Variants in OTOGL observed in about 807,000 individuals in gnomAD.
OTOGL encodes the protein otogelin-like protein.
OTOGL carries 285 observed loss-of-function variants against 318.5 expected under a neutral mutation model. The observed-to-expected ratio is 0.89, with a 90% CI of 0.81 to 0.99. OTOGL has a LOEUF of 0.99. Among genes scored for constraint, OTOGL ranks in the 50% least tolerant of loss-of-function variants. The probability of loss-of-function intolerance (pLI) is 0.00; values close to 1 mark genes in which losing one functional copy is unlikely to be tolerated. For missense variants in OTOGL, 2,899 were observed against 2,845.6 expected, an observed-to-expected ratio of 1.02 and a Z score of -0.43; for synonymous variants, 987 against 936.5, an observed-to-expected ratio of 1.05 and a Z score of -0.99.
chr12:80,257,084 C>T (rs1029936907), intron 17 of OTOGL, among the ~76,000 whole-genome samples: 4 of 152,036 alleles, frequency 2.6e-5, no homozygotes, highest in African/African-American at 9.7e-5. Flanking sequence ...CCTGTTCATG[C>T]CTGCATTCCA....
intron 1 of OTOGL, among the ~76,000 whole-genome samples, chr12:80,172,517 C>T (rs183101858): frequency 8.5e-5 from 13 of 152,124 alleles, no homozygotes; most frequent in Non-Finnish European, 1.5e-5. Flanking sequence ...TGTGGTAAGT[C>T]CTGCAGGTCA....
intron 1 of OTOGL, among the ~76,000 whole-genome samples, chr12:80,144,998 T>C (rs1490299086): frequency 1.3e-5 from 2 of 151,432 alleles, no homozygotes; most frequent in Admixed American, 1.3e-4. Flanking sequence ...TTCTCCCATG[T>C]TGTAGGTTGC....
At chr12:80,164,678 C>T (rs1209468910) in intron 1 of OTOGL, among the ~76,000 whole-genome samples, 1 of 152,060 alleles carries the variant, frequency 6.6e-6, no homozygotes, top group African/African-American at 2.4e-5. Flanking sequence ...TGTATTAACG[C>T]ATCCCTGTTC....
intron 35 of OTOGL, 60 bp from the exon 36 acceptor site, chr12:80,328,605 C>CTTTTTTTTTTTTTTTTTTAAACTTT: frequency 9.7e-7 from 1 of 1,026,942 alleles, no homozygotes; most frequent in South Asian, 1.6e-5. Flanking sequence ...AAATGTAGTC[C>CTTTTTTTTTTTTTTTTTTAAACTTT]TTTTTTTTTT....
intron 29 of OTOGL, among the ~76,000 whole-genome samples, chr12:80,309,694 T>C (rs56212453): frequency 0.015 from 2,334 of 152,264 alleles, 61 homozygotes; most frequent in African/African-American, 0.054. Flanking sequence ...CCTGGGTGGA[T>C]ACTGGTGTTC....
chr12:80,251,971 A>C, intron 12 of OTOGL, 105 bp from the exon 13 acceptor site: 1 of 1,329,088 alleles, frequency 7.5e-7, no homozygotes, highest in Non-Finnish European at 9.9e-7. Context: ...TGCAATTAAA[A>C]GTTATTTTTT....
intron 1 of OTOGL, among the ~76,000 whole-genome samples, chr12:80,174,969 GT>G (rs1874437457): frequency 6.6e-6 from 1 of 151,856 alleles, no homozygotes; most frequent in Non-Finnish European, 1.5e-5. Flanking sequence ...ACCTGGGAAA[GT>G]TTTTAAAATA....
At chr12:80,178,061 C>CTTTTTTTTTTTTTTTTTTTTTT (rs71094968) in intron 1 of OTOGL, among the ~76,000 whole-genome samples, 8 of 74,922 alleles carry the variant, frequency 1.1e-4, no homozygotes, top group Admixed American at 1.7e-4. Context: ...TTCTTTCTTT[C>CTTTTTTTTTTTTTTTTTTTTTT]TTTTTTTTTT....
intron 1 of OTOGL, among the ~76,000 whole-genome samples, chr12:80,169,935 A>G (rs1055926429): frequency 7.2e-5 from 11 of 152,204 alleles, no homozygotes; most frequent in East Asian, 1.9e-4. Flanking sequence ...GTTATTTGCA[A>G]TTTGGAAATT....
At position 80,355,871 on chromosome 12, in the gene OTOGL, C is replaced by G. The variant is rs375155261; in HGVS notation, c.5729C>G (p.Thr1910Arg). Residue 1910 changes from threonine to arginine, a missense_variant, in exon 47 of 59, where the codon ACG becomes AGG. Around this residue, in one of 3 missense-constraint regions of OTOGL, gnomAD observed 2,607 missense variants for 2,524.9 expected, o/e 1.03. Transcript: ENST00000547103. ...PIEPDCDEEP[T>R]PVCEREAEVV... ...GAACCTGACTGTGATGAAGAGCCCA[C>G]GCCAGTTTGTGAACGAGAAGCTGAA... is the stretch of plus-strand genomic sequence containing the variant. The G allele has an allele frequency of 2.9e-5, 47 of 1,613,660 alleles. 1 individual carries two copies. The highest frequency in any genetic ancestry group is 3.9e-5 in the Non-Finnish European group (46 of 1,179,808).
At chr12:80,242,884 A>T (rs1204559509) in intron 11 of OTOGL, among the ~76,000 whole-genome samples, 2 of 152,126 alleles carry the variant, frequency 1.3e-5, no homozygotes, top group Non-Finnish European at 2.9e-5. Flanking sequence ...GGAAGAGATA[A>T]CATTTGACTT....
intron 50 of OTOGL, 87 bp downstream of exon 50, chr12:80,358,436 C>T: frequency 8.9e-7 from 1 of 1,123,416 alleles, no homozygotes; most frequent in Non-Finnish European, 1.3e-6. Context: ...TTACATCAGA[C>T]CCTTTTTCAA....
At chr12:80,152,900 G>T (rs986735637) in intron 1 of OTOGL, among the ~76,000 whole-genome samples, 1 of 152,132 alleles carries the variant, frequency 6.6e-6, no homozygotes, top group African/African-American at 2.4e-5. Context: ...CACCATGTTG[G>T]CCAGGCAGGT....
chr12:80,234,440 G>C (rs1879661596), intron 9 of OTOGL, among the ~76,000 whole-genome samples: 2 of 152,128 alleles, frequency 1.3e-5, no homozygotes, highest in Admixed American at 1.3e-4. Context: ...TGTTTTAAAG[G>C]ATGGTGAAAG....
intron 1 of OTOGL, among the ~76,000 whole-genome samples, chr12:80,201,047 G>A (rs1876417315): frequency 6.6e-6 from 1 of 152,146 alleles, no homozygotes; most frequent in Admixed American, 6.6e-5. Flanking sequence ...TGCCTACAGA[G>A]ATGCCACAAC....
At chr12:80,212,093 A>T in intron 4 of OTOGL, 96 bp downstream of exon 4, 1 of 1,232,232 alleles carries the variant, frequency 8.1e-7, no homozygotes, top group East Asian at 2.6e-5. Flanking sequence ...TGTGGAGGGG[A>T]ATAAAATGCT....
intron 1 of OTOGL, among the ~76,000 whole-genome samples, chr12:80,148,486 A>G (rs1450434199): frequency 3.4e-5 from 5 of 147,712 alleles, no homozygotes; most frequent in Non-Finnish European, 7.5e-5. Context: ...TGCCCTTAAC[A>G]TTTTTTCCTT....
chr12:80,205,202 T>C (rs1380781361), intron 1 of OTOGL, among the ~76,000 whole-genome samples: 1 of 152,218 alleles, frequency 6.6e-6, no homozygotes, highest in Non-Finnish European at 1.5e-5. Flanking sequence ...TTTCACTATA[T>C]GGTACAAGTG....
rs144605517 is a variant in OTOGL, at chr12:80,112,709, CT to C, written c.-20+13118del. Among the ~76,000 whole-genome samples the C allele has an allele frequency of 1.8e-3, 249 of 140,204 alleles. 1 individual carries two copies. Among genetic ancestry groups the C allele is most frequent in the African/African-American group, 4.8e-3 (177 of 37,054 alleles). 92.0% of individuals were successfully genotyped at this position (140,204 alleles called of 152,430 possible). On this transcript the variant is annotated intron_variant, in intron 1 of 58. Transcript: ENST00000547103. Reference sequence around the variant, plus strand: ...GGGATATTTGCCTGAAATTTTCTTTCTTTTTTTTTTTTTTGTTGTGTCTCTG... The same window carrying C: ...GGGATATTTGCCTGAAATTTTCTTTCTTTTTTTTTTTTTGTTGTGTCTCTG...
Sources: allele counts gnomAD v4.1 joint callset (sites outside exome capture counted in the v4.1 genomes callset), GRCh38; gene constraint gnomAD v4.1.1; regional missense constraint gnomAD v4.1.1; transcripts MANE v1.5; gene names NCBI Gene and HGNC (gene_info 2026-07-23, HGNC 2026-07-21).